The following MDGA1 variants were observed in gnomAD, a reference collection of about 807,000 sequenced individuals.
The protein encoded by MDGA1 is MAM domain-containing glycosylphosphatidylinositol anchor protein 1.
Under a neutral mutation model 101.5 loss-of-function variants are expected in MDGA1, and 54 were observed. The observed-to-expected ratio is 0.53, with a 90% CI of 0.43 to 0.67. The LOEUF (loss-of-function observed/expected upper bound fraction) is 0.67. Ranked by LOEUF, MDGA1 falls within the 30% of genes least tolerant of loss-of-function variation. MDGA1 has a pLI of 0.00. For missense variants in MDGA1, 1,083 were observed against 1,323.8 expected (o/e 0.82, Z 2.82); for synonymous variants, 533 against 558.3 (o/e 0.95, Z 0.64).
At chr6:37,640,038 G>A (rs1764026386) in intron 14 of MDGA1, among the ~76,000 whole-genome samples, 1 of 152,202 alleles carries the variant, frequency 6.6e-6, no homozygotes, top group Admixed American at 6.5e-5. Context: ...GAATCCCAGG[G>A]ACTGCCATAC....
chr6:37,637,380 C>T lies in MDGA1; in HGVS notation c.2856G>A (p.Ala952=), dbSNP rs757335830. Residue 952 remains alanine, a synonymous_variant, in exon 17 of 17, where the codon GCG becomes GCA. Transcript: ENST00000434837. The part of the protein sequence containing the change: ...LWGPMAIFLL[A]LQR ...CACACAGCTCTCATCATCTCTGCAA[C>T]GCCAAGAGGAAGATGGCCATGGGCC... The T allele has an allele frequency of 1.7e-5, 28 of 1,613,316 alleles. No homozygotes were observed. The highest frequency in any genetic ancestry group is 6.7e-5 in the East Asian group (3 of 44,872).
rs2113991034 is a variant in MDGA1 at position 37,637,287 on chromosome 6, T to TGGC, written c.*78_*80dup. ...CGGCCCTGCCCCTGGGCACCCCAGC[T>TGGC]GGCGGGGGTCAGTCTTTGGTACAAT... On this transcript the variant is annotated 3_prime_UTR_variant, in exon 17 of 17. Transcript: ENST00000434837. 1 of 1,172,312 alleles carries TGGC rather than the reference T, an allele frequency of 8.5e-7. No homozygotes were observed. Among genetic ancestry groups the TGGC allele is most frequent in the Non-Finnish European group, 1.3e-6 (1 of 799,592 alleles). The allele number at this position is 1,172,312 out of a possible 1,614,324, so 72.6% of individuals were successfully genotyped here.
At chr6:37,670,592 G>A (rs961666718) in intron 1 of MDGA1, among the ~76,000 whole-genome samples, 5 of 152,306 alleles carry the variant, frequency 3.3e-5, no homozygotes, top group Middle Eastern at 3.4e-3. Context: ...TGCCTGGTAC[G>A]CAGTATGCAA....
rs113378752 is a variant in MDGA1 at position 37,680,367 on chromosome 6, T to A, written c.68-16261A>T. The stretch of plus-strand genomic sequence containing the variant: ...CCCTGTGACCCTCAGCCACTAGGGC[T>A]ACCCTTAGAAGGGAGAAGCACCTCC... On this transcript the variant is annotated intron_variant, in intron 1 of 16. Coordinates refer to ENST00000434837, the MANE Select transcript of MDGA1 (RefSeq NM_153487.4). Among the ~76,000 whole-genome samples, 6 of 152,262 alleles carry A rather than the reference T, an allele frequency of 3.9e-5. 1 individual carries two copies. Among genetic ancestry groups the A allele is most frequent in the African/African-American group, 1.4e-4 (6 of 41,568 alleles).
rs1432734734 is a variant in MDGA1, at chr6:37,652,485, C to T, written c.983-145G>A. On this transcript the variant is annotated intron_variant, in intron 6 of 16. Transcript: ENST00000434837. The surrounding 1 kb of genome is among the most constrained non-coding windows in gnomAD (Gnocchi z 4.3). ...ACAACTCCCCCAGGTGAAACTATCACTTTTCTCTGCCTGGGAATTGTTTCA... is the reference window on the plus strand; with the variant it reads ...ACAACTCCCCCAGGTGAAACTATCATTTTTCTCTGCCTGGGAATTGTTTCA... 8.1e-6 allele frequency: 5 copies of T among 615,552 alleles called. No homozygotes were observed. In the East Asian group the frequency reaches 1.1e-4, roughly 14 times the overall value. The allele number at this position is 615,552 out of a possible 1,614,324, so 38.1% of individuals were successfully genotyped here.
chr6:37,685,590 G>C (rs1213752824), intron 1 of MDGA1, among the ~76,000 whole-genome samples: 1 of 152,174 alleles, frequency 6.6e-6, no homozygotes, highest in Non-Finnish European at 1.5e-5. Flanking sequence ...CAGAAATCAG[G>C]AGGCTGCTTT....
chr6:37,692,181 A>G (rs189793567), intron 1 of MDGA1, among the ~76,000 whole-genome samples: 33 of 152,296 alleles, frequency 2.2e-4, no homozygotes, highest in African/African-American at 7.0e-4. Flanking sequence ...GTGGCGGCCA[A>G]GCCCTCCCCC....
chr6:37,690,881 G>A (rs773343682), intron 1 of MDGA1, among the ~76,000 whole-genome samples: 59 of 151,962 alleles, frequency 3.9e-4, no homozygotes, highest in African/African-American at 7.0e-4. Context: ...ACACACTCGG[G>A]TTCCTTAGCT....
Position 37,696,758 on chromosome 6 carries a change from T to A in MDGA1, c.54A>T (p.Gly18=). ...LLALIPFHCR[G]QGVYAPAQAQ... ...GCGGGCTCTTACCGTAGACTCCTTG[T>A]CCCCGGCAGTGGAAGGGGATCAGCG... is the stretch of plus-strand genomic sequence containing the variant. The change falls in exon 1 of 17, where the codon GGA becomes GGT. Residue 18 remains glycine (G), a synonymous_variant. Transcript: ENST00000434837. This position sits in a 1 kb window ranked among gnomAD's most constrained non-coding sequence, Gnocchi z 5.6. 6.3e-7 allele frequency: 1 copy of A among 1,582,950 alleles called. No homozygotes were observed. Among genetic ancestry groups the A allele is most frequent in the Non-Finnish European group, 8.6e-7 (1 of 1,163,842 alleles).
chr6:37,673,396 A>G (rs1359439538), intron 1 of MDGA1, among the ~76,000 whole-genome samples: 3 of 152,242 alleles, frequency 2.0e-5, no homozygotes, highest in Non-Finnish European at 2.9e-5. Flanking sequence ...AATTTAGTGG[A>G]GTTAATAGTG....
intron 1 of MDGA1, among the ~76,000 whole-genome samples, chr6:37,683,504 C>T (rs1296878923): frequency 6.6e-6 from 1 of 150,712 alleles, no homozygotes; most frequent in Non-Finnish European, 1.5e-5. Context: ...TCCCAATTGC[C>T]AATGCCTGCG....
rs1288281073 is a variant in MDGA1, at chr6:37,647,299, G to A, written c.1920C>T (p.Tyr640=). 6.4e-7 allele frequency: 1 copy of A among 1,551,632 alleles called. No homozygotes were observed. The change falls in exon 10 of 17, where the codon TAC becomes TAT. Residue 640 remains tyrosine, a synonymous_variant. Transcript: ENST00000434837. ...TGCGGGTGGGGTTGGGGGTGTCGAA[G>A]TAAAACTCCGGGCTGTAGGCTTTGG... ...VSAKAYSPEF[Y]FDTPNPTRSH...
chr6:37,673,570 C>G (rs980963034), intron 1 of MDGA1, among the ~76,000 whole-genome samples: 1 of 152,228 alleles, frequency 6.6e-6, no homozygotes, highest in East Asian at 1.9e-4. Flanking sequence ...AGCCATCAAG[C>G]GTGGGCCTCT....
intron 7 of MDGA1, among the ~76,000 whole-genome samples, 187 bp downstream of exon 7, chr6:37,651,824 G>A (rs3846873): frequency 0.65 from 98,814 of 152,016 alleles, 32,802 homozygotes; most frequent in East Asian, 0.85. Flanking sequence ...TTTGCCCACC[G>A]CTCTACCCCA....
chr6:37,677,280 C>T (rs928925371), intron 1 of MDGA1, among the ~76,000 whole-genome samples: 10 of 152,068 alleles, frequency 6.6e-5, no homozygotes, highest in Admixed American at 6.5e-4. Flanking sequence ...CCCGGCAGTG[C>T]GAAATGAGAA....
rs750267681 is a variant in MDGA1 at position 37,654,810 on chromosome 6, G to A, written c.702C>T (p.Thr234=). The change falls in exon 5 of 17, where the codon ACC becomes ACT. Residue 234 remains threonine (T), a synonymous_variant. Coordinates refer to ENST00000434837, the MANE Select transcript of MDGA1 (RefSeq NM_153487.4). ...IPDKAITFRL[T]NTTAPPALKL... ...GGAAAATGCCTGTACCCGTGGTGTT[G>A]GTGAGCCGGAAGGTGATGGCCTTGT... is the stretch of plus-strand genomic sequence containing the variant. 8 of 1,613,802 alleles carry A rather than the reference G, an allele frequency of 5.0e-6. No individual in the cohort carries two copies. In the South Asian group the frequency reaches 6.6e-5, roughly 13 times the overall value.
In MDGA1 at chr6:37,697,052, G is replaced by C. The variant is rs1023271084; in HGVS notation, c.-241C>G. ...GCGCTGGCCCAGCCCCGGGTGCCTCGGCGCGCCCGGCACAGCAGCCAGCGC... is the reference window on the plus strand; with the variant it reads ...GCGCTGGCCCAGCCCCGGGTGCCTCCGCGCGCCCGGCACAGCAGCCAGCGC... On this transcript the variant is annotated 5_prime_UTR_variant, in exon 1 of 17. Transcript: ENST00000434837. 6 of 414,748 alleles carry C rather than the reference G, an allele frequency of 1.4e-5. No individual in the cohort carries two copies. The highest frequency in any genetic ancestry group is 2.5e-5 in the Non-Finnish European group (6 of 236,368). The allele number at this position is 414,748 out of a possible 1,614,324, so 25.7% of individuals were successfully genotyped here. A position where few individuals can be genotyped will look rare whatever the true frequency, so the allele number is the denominator to read the frequency against.
At chr6:37,676,802 CAGG>C (rs1276208570) in intron 1 of MDGA1, among the ~76,000 whole-genome samples, 4 of 150,808 alleles carry the variant, frequency 2.7e-5, no homozygotes, top group African/African-American at 9.8e-5. Context: ...GAGGCTGAGG[CAGG>C]AGAATTGCTT....
chr6:37,690,864 A>G (rs1762295281), intron 1 of MDGA1, among the ~76,000 whole-genome samples: 1 of 151,106 alleles, frequency 6.6e-6, no homozygotes, highest in South Asian at 2.1e-4. Flanking sequence ...CAGCTCACGA[A>G]CTCCTCACAC....
Sources: gnomAD v4.1 joint callset for allele counts (sites outside exome capture counted in the v4.1 genomes callset) on GRCh38, gnomAD v4.1.1 for gene constraint, Gnocchi (gnomAD v3.1) non-coding constraint, MANE v1.5 for transcripts, NCBI Gene and HGNC (gene_info 2026-07-23, HGNC 2026-07-21) for gene names.